Variants in KAZN observed in about 807,000 individuals in gnomAD.
KAZN encodes kazrin.
A neutral mutation model predicts 87.4 loss-of-function variants in KAZN; 40 were observed. The ratio of observed to expected loss-of-function variants is 0.46; its 90% CI spans 0.36 to 0.60. The LOEUF (loss-of-function observed/expected upper bound fraction) is 0.60, where lower values mean the gene tolerates loss of function less well. Ranked by LOEUF, KAZN falls within the 20% of genes least tolerant of loss-of-function variation. The probability of loss-of-function intolerance (pLI) is 0.00; values close to 1 mark genes in which losing one functional copy is unlikely to be tolerated. For synonymous variants in KAZN, 466 were observed against 458.3 expected, an observed-to-expected ratio of 1.02 and a Z score of -0.22; for missense variants, 898 against 1,073.9, an observed-to-expected ratio of 0.84 and a Z score of 2.29.
chr1:14,414,929 G>A (rs1664624460), intron 2 of KAZN, among the ~76,000 whole-genome samples: 1 of 152,154 alleles, frequency 6.6e-6, no homozygotes, highest in South Asian at 2.1e-4. Context: ...GGGAGGCTGA[G>A]ACAAGAGAAT....
At chr1:14,034,735 C>G (rs933943770) in intron 1 of KAZN, among the ~76,000 whole-genome samples, 1 of 152,162 alleles carries the variant, frequency 6.6e-6, no homozygotes, top group South Asian at 2.1e-4. Context: ...GTTGGGTGCA[C>G]TTAGTGCCTG....
intron 1 of KAZN, among the ~76,000 whole-genome samples, chr1:14,077,109 G>A (rs1183955644): frequency 6.6e-5 from 10 of 152,136 alleles, no homozygotes; most frequent in Admixed American, 6.5e-4. Flanking sequence ...GCCACCTTGT[G>A]ATTGCCAGGA....
Position 15,101,777 on chromosome 1 carries a change from G to A in KAZN, c.1779+3G>A, listed in dbSNP as rs1200911180. ...ACCAAGTGAACTTCAGCAGGGAGGT[G>A]AGGACCAGGGCACAGGGTGGGGGCA... On this transcript the variant is annotated splice_donor_region_variant and intron_variant, in intron 11 of 14. Coordinates refer to ENST00000376030, the MANE Select transcript of KAZN (RefSeq NM_201628.3). 6.4e-7 allele frequency: 1 copy of A among 1,565,318 alleles called. No homozygotes were observed. The highest frequency in any genetic ancestry group is 8.7e-7 in the Non-Finnish European group (1 of 1,154,252).
chr1:14,527,551 A>AC lies in KAZN; in HGVS notation c.250-71432_250-71431insC, dbSNP rs1374055753. Among the ~76,000 whole-genome samples the AC allele has an allele frequency of 5.2e-5, 5 of 96,874 alleles. No individual in the cohort carries two copies. In the East Asian group the frequency reaches 1.8e-3, roughly 34 times the overall value. The allele number at this position is 96,874 out of a possible 152,430, so 63.6% of individuals were successfully genotyped here. On this transcript the variant is annotated intron_variant, in intron 2 of 16. Coordinates refer to the KAZN transcript ENST00000636203. ...GCAACAGAGTGAGACTCTGTCTCCA[A>AC]AAAAAAAAAAAAAACGATACAGGTT... is the stretch of plus-strand genomic sequence containing the variant.
In KAZN at chr1:14,735,953, G is replaced by A. The variant is rs1326772598; in HGVS notation, c.226+136730G>A. Among the ~76,000 whole-genome samples the A allele has an allele frequency of 6.6e-6, 1 of 152,132 alleles. No homozygotes were observed. Among genetic ancestry groups the A allele is most frequent in the Non-Finnish European group, 1.5e-5 (1 of 68,026 alleles). The stretch of plus-strand genomic sequence containing the variant: ...GCTTTGGGGGGAATGTGGAGCCCCC[G>A]CAGGAAGATGAGTTACCTCCAACAA... On this transcript the variant is annotated intron_variant, in intron 1 of 14. Transcript: ENST00000376030. The surrounding 1 kb of genome is among the most constrained non-coding windows in gnomAD (Gnocchi z 4.3).
At chr1:14,105,728 A>G (rs1570749645) in intron 1 of KAZN, among the ~76,000 whole-genome samples, 1 of 152,188 alleles carries the variant, frequency 6.6e-6, no homozygotes, top group African/African-American at 2.4e-5. Context: ...TAGTGCCTCA[A>G]AGGATCGCCA....
chr1:14,396,763 G>C (rs140259219), intron 2 of KAZN, among the ~76,000 whole-genome samples: 1 of 152,284 alleles, frequency 6.6e-6, no homozygotes, highest in African/African-American at 2.4e-5. Context: ...AAATGCAGGG[G>C]AATAAGCCAC....
chr1:13,946,924 G>A (rs76673871), intron 1 of KAZN, among the ~76,000 whole-genome samples: 4 of 152,036 alleles, frequency 2.6e-5, no homozygotes, highest in East Asian at 1.9e-4. Flanking sequence ...TCTGGAAGCC[G>A]GATGTCCAAA....
In KAZN at chr1:14,305,682, T is replaced by A. The variant is rs1056860876; in HGVS notation, c.249+125090T>A. Among the ~76,000 whole-genome samples the A allele has an allele frequency of 5.3e-5, 8 of 149,960 alleles. No homozygotes were observed. In the South Asian group the frequency reaches 6.3e-4, roughly 12 times the overall value. Reference sequence around the variant, plus strand: ...CTTTTTTTTTTGTTTTCTTTTTTTTTAATTCATGACACTTTCACTGATCAT... The same window carrying A: ...CTTTTTTTTTTGTTTTCTTTTTTTTAAATTCATGACACTTTCACTGATCAT... On this transcript the variant is annotated intron_variant, in intron 2 of 16. Coordinates refer to the KAZN transcript ENST00000636203.
intron 1 of KAZN, among the ~76,000 whole-genome samples, chr1:14,870,917 A>G (rs903044534): frequency 1.3e-5 from 2 of 152,230 alleles, no homozygotes; most frequent in African/African-American, 4.8e-5. Flanking sequence ...TCATCATATG[A>G]ATGGCCGCCT....
intron 1 of KAZN, among the ~76,000 whole-genome samples, chr1:14,935,769 A>T (rs1054542928): frequency 5.9e-5 from 9 of 151,758 alleles, no homozygotes; most frequent in Admixed American, 3.3e-4. Context: ...CCTAGGGGCT[A>T]CTGGATGTGT....
At chr1:14,462,535 G>C (rs1003422896) in intron 2 of KAZN, among the ~76,000 whole-genome samples, 2 of 152,134 alleles carry the variant, frequency 1.3e-5, no homozygotes, top group Non-Finnish European at 2.9e-5. Flanking sequence ...CTTAGCCTGG[G>C]AGAGTTTTTG....
chr1:14,494,404 A>G (rs1478479744), intron 2 of KAZN, among the ~76,000 whole-genome samples: 2 of 151,968 alleles, frequency 1.3e-5, no homozygotes, highest in Non-Finnish European at 2.9e-5. Flanking sequence ...CTTAATACTC[A>G]TGTTTTTGAA....
chr1:14,587,810 G>A (rs1675950051), intron 2 of KAZN, among the ~76,000 whole-genome samples: 1 of 152,078 alleles, frequency 6.6e-6, no homozygotes, highest in Admixed American at 6.6e-5. Context: ...AGATTTGGAG[G>A]GGACAAACAA....
At chr1:15,003,001 A>C (rs2102026281) in intron 2 of KAZN, among the ~76,000 whole-genome samples, 1 of 121,302 alleles carries the variant, frequency 8.2e-6, no homozygotes, top group East Asian at 2.1e-4. Flanking sequence ...AATAAAAATA[A>C]ACGTACACAC....
chr1:14,551,436 G>A (rs564853833), intron 2 of KAZN, among the ~76,000 whole-genome samples: 28 of 152,244 alleles, frequency 1.8e-4, no homozygotes, highest in Middle Eastern at 3.4e-3. Flanking sequence ...AGCTAGGCTC[G>A]GGACAAATCT....
At chr1:14,987,167 G>T (rs893844605) in intron 2 of KAZN, among the ~76,000 whole-genome samples, 8 of 152,208 alleles carry the variant, frequency 5.3e-5, no homozygotes, top group African/African-American at 1.9e-4. Flanking sequence ...GCGCAGAAGA[G>T]AGTGTAGGGC....
intron 2 of KAZN, among the ~76,000 whole-genome samples, chr1:14,592,372 C>T (rs1041404607): frequency 3.3e-5 from 5 of 152,186 alleles, no homozygotes; most frequent in African/African-American, 7.2e-5. Context: ...ATATTTCACA[C>T]GTGCTCAGTG....
At chr1:14,788,696 C>T (rs1049714709) in intron 1 of KAZN, among the ~76,000 whole-genome samples, 2 of 152,076 alleles carry the variant, frequency 1.3e-5, no homozygotes, top group South Asian at 2.1e-4. Flanking sequence ...CTGCTGCTAC[C>T]GACACTCATC....
Sources: gnomAD v4.1 joint callset for allele counts (sites outside exome capture counted in the v4.1 genomes callset) on GRCh38, gnomAD v4.1.1 for gene constraint, Gnocchi (gnomAD v3.1) non-coding constraint, MANE v1.5 for transcripts, NCBI Gene and HGNC (gene_info 2026-07-23, HGNC 2026-07-21) for gene names.